STMN3: variants seen among roughly 807,000 people sequenced by gnomAD.
The protein encoded by STMN3 is stathmin 3.
In STMN3, 24 loss-of-function variants were observed where a neutral mutation model predicts 23.2. That is an observed-to-expected ratio of 1.03 (90% CI 0.75 to 1.45). The LOEUF is 1.45. Ranked by LOEUF, STMN3 falls within the 40% of genes most tolerant of loss-of-function variation. The pLI, the probability that STMN3 is intolerant of heterozygous loss-of-function variation, is 0.00. For missense variants in STMN3, 235 were observed against 237.6 expected (o/e 0.99, Z 0.07); for synonymous variants, 117 against 103.4 (o/e 1.13, Z -0.80).
chr20:63,646,807 CT>C (rs749531814), intron 1 of STMN3, among the ~76,000 whole-genome samples: 9,781 of 144,084 alleles, frequency 0.068, 458 homozygotes, highest in Non-Finnish European at 0.093. Context: ...CACCAGTTTT[CT>C]TTTTTTTTTT....
Position 63,643,791 on chromosome 20 carries a change from G to T in STMN3, c.256C>A (p.Gln86Lys), listed in dbSNP as rs529744209. 57 of 1,554,640 alleles carry T rather than the reference G, an allele frequency of 3.7e-5. No homozygotes were observed. In the South Asian group the frequency reaches 6.3e-4, roughly 17 times the overall value. ...KKKDTSLEEL[Q>K]KRLEAAEERR... Reference sequence around the variant, plus strand: ...TCCTCGGCTGCCTCCAGCCGCTTTTGCAGCTCCTCCAGGGAGGTGTCCTTC... The same window carrying T: ...TCCTCGGCTGCCTCCAGCCGCTTTTTCAGCTCCTCCAGGGAGGTGTCCTTC... The change falls in exon 3 of 5, where the codon CAA becomes AAA. Residue 86 changes from glutamine (Q) to lysine (K), a missense_variant. Transcript: ENST00000370053.
intron 1 of STMN3, 102 bp from the exon 2 acceptor site, chr20:63,644,411 A>G (rs2089793292): frequency 2.3e-6 from 2 of 863,916 alleles, no homozygotes; most frequent in African/African-American, 1.7e-5. Context: ...TCTGTGAGAC[A>G]CGGAGCTGCC....
Position 63,643,813 on chromosome 20 carries a change from C to A in STMN3, c.234G>T (p.Lys78Asn). 1 of 1,561,844 alleles carries A rather than the reference C, an allele frequency of 6.4e-7. No homozygotes were observed. ...SPMLSSPPKKKDTSLEELQKR... is the reference protein window; with the variant it reads ...SPMLSSPPKKNDTSLEELQKR... Reference sequence around the variant, plus strand: ...TTTGCAGCTCCTCCAGGGAGGTGTCCTTCTTCTTGGGTGGGGAGGAGAGCA... The same window carrying A: ...TTTGCAGCTCCTCCAGGGAGGTGTCATTCTTCTTGGGTGGGGAGGAGAGCA... Residue 78 changes from lysine (K) to asparagine (N), a missense_variant, in exon 3 of 5, where the codon AAG (lysine) becomes AAT (asparagine). Physicochemically the swap from Lys to Asn is moderately conservative, Grantham distance 94. Coordinates refer to ENST00000370053, the MANE Select transcript of STMN3 (RefSeq NM_015894.4).
intron 1 of STMN3, among the ~76,000 whole-genome samples, chr20:63,647,936 A>ATATATGTGTG (rs1165301691): frequency 2.5e-5 from 2 of 80,834 alleles, no homozygotes; most frequent in African/African-American, 4.9e-5. Context: ...ATACGTATAT[A>ATATATGTGTG]TGTGTGTGTG....
In STMN3 at chr20:63,652,756, C is replaced by T. The variant is rs1474217050; in HGVS notation, c.19+571G>A. On this transcript the variant is annotated intron_variant, in intron 1 of 4. Coordinates refer to ENST00000370053, the MANE Select transcript of STMN3 (RefSeq NM_015894.4). This position sits in a 1 kb window ranked among gnomAD's most constrained non-coding sequence, Gnocchi z 5.3. The stretch of plus-strand genomic sequence containing the variant: ...CGTCGCAAAGGGTGGTCCCCGAGGC[C>T]GCAGCGGTGTGGGGGGAGGGCGCGG... The T allele has an allele frequency of 2.0e-6, 2 of 986,026 alleles. No homozygotes were observed. The highest frequency in any genetic ancestry group is 2.4e-6 in the Non-Finnish European group (2 of 830,576). The allele number at this position is 986,026 out of a possible 1,614,324, so 61.1% of individuals were successfully genotyped here.
intron 1 of STMN3, among the ~76,000 whole-genome samples, chr20:63,647,845 T>C (rs1371201159): frequency 7.2e-5 from 9 of 124,506 alleles, no homozygotes; most frequent in Non-Finnish European, 1.2e-4. Context: ...TATATGTATA[T>C]ATTAATATAT....
rs1259742200 is a variant in STMN3, at chr20:63,642,134, C to A, written c.457G>T (p.Ala153Ser). Reference sequence around the variant, plus strand: ...TTCTCGCGCAGCCGCTCGCGCAGTGCGGCCAGGTGTGCCTCGCGGATCTCC... The same window carrying A: ...TTCTCGCGCAGCCGCTCGCGCAGTGAGGCCAGGTGTGCCTCGCGGATCTCC... ...SKEIREAHLA[A>S]LRERLREKEL... Residue 153 changes from alanine (A) to serine (S), a missense_variant, in exon 4 of 5, where the codon GCA (alanine) becomes TCA (serine). Physicochemically the swap from Ala to Ser is moderately conservative, Grantham distance 99 (BLOSUM62 1). Transcript: ENST00000370053. 1.5e-5 allele frequency: 23 copies of A among 1,538,424 alleles called. No homozygotes were observed. Among genetic ancestry groups the A allele is most frequent in the Non-Finnish European group, 2.0e-5 (23 of 1,145,838 alleles).
At chr20:63,647,826 A>C (rs1486318192) in intron 1 of STMN3, among the ~76,000 whole-genome samples, 1 of 128,212 alleles carries the variant, frequency 7.8e-6, no homozygotes, top group Non-Finnish European at 1.7e-5. Context: ...TATATAATAT[A>C]TATACGTATA....
intron 1 of STMN3, among the ~76,000 whole-genome samples, chr20:63,649,731 T>C (rs1223032455): frequency 7.3e-5 from 11 of 150,286 alleles, no homozygotes; most frequent in Non-Finnish European, 1.5e-4. Flanking sequence ...GGGGTTTCAC[T>C]GTGTTAGCCA....
At chr20:63,648,318 G>A (rs1233703210) in intron 1 of STMN3, among the ~76,000 whole-genome samples, 3 of 152,030 alleles carry the variant, frequency 2.0e-5, no homozygotes, top group Admixed American at 1.3e-4. Context: ...ACGTACCTGG[G>A]TCCTGAGAGG....
intron 1 of STMN3, among the ~76,000 whole-genome samples, chr20:63,651,445 TGGA>T (rs925000475): frequency 6.6e-6 from 1 of 152,082 alleles, no homozygotes; most frequent in Non-Finnish European, 1.5e-5. Context: ...CTCTGACCCC[TGGA>T]GGGCCCTGGA....
intron 1 of STMN3, 32 bp downstream of exon 1, chr20:63,653,295 C>A (rs1364619482): frequency 1.9e-6 from 3 of 1,544,396 alleles, no homozygotes; most frequent in Middle Eastern, 3.4e-4. Flanking sequence ...CAGATCCCGC[C>A]GCCCCACAAA....
chr20:63,644,906 G>A (rs2089797843), intron 1 of STMN3, among the ~76,000 whole-genome samples: 1 of 152,100 alleles, frequency 6.6e-6, no homozygotes, highest in African/African-American at 2.4e-5. Context: ...AGAGCGATGG[G>A]AAATAAGTTC....
chr20:63,652,418 G>A lies in STMN3; in HGVS notation c.19+909C>T. On this transcript the variant is annotated intron_variant, in intron 1 of 4. Transcript: ENST00000370053. This position sits in a 1 kb window ranked among gnomAD's most constrained non-coding sequence, Gnocchi z 5.3. ...GCGGGTTCTGCGGCCTCGCGGCGGA[G>A]CAGAGCGTTTCGGGAAGGGCGGGCC... The A allele has an allele frequency of 1.1e-5, 3 of 284,972 alleles. No individual in the cohort carries two copies. Among genetic ancestry groups the A allele is most frequent in the Non-Finnish European group, 1.6e-5 (3 of 189,416 alleles). The allele number at this position is 284,972 out of a possible 1,614,324, so 17.7% of individuals were successfully genotyped here. A position where few individuals can be genotyped will look rare whatever the true frequency, so the allele number is the denominator to read the frequency against.
At chr20:63,647,948 G>GTATATA (rs761022872) in intron 1 of STMN3, among the ~76,000 whole-genome samples, 1 of 63,830 alleles carries the variant, frequency 1.6e-5, no homozygotes, top group African/African-American at 5.9e-5. Flanking sequence ...GTGTGTGTGT[G>GTATATA]TATATATATA....
intron 3 of STMN3, 183 bp downstream of exon 3, chr20:63,643,573 A>C: frequency 1.1e-6 from 1 of 941,084 alleles, no homozygotes; most frequent in Non-Finnish European, 1.3e-6. Flanking sequence ...GAGCCACCAC[A>C]CCCGGCCTCT....
In STMN3 at chr20:63,652,639, CG is replaced by C; in HGVS notation, c.19+687del. On this transcript the variant is annotated intron_variant, in intron 1 of 4. Coordinates refer to ENST00000370053, the MANE Select transcript of STMN3 (RefSeq NM_015894.4). This position sits in a 1 kb window ranked among gnomAD's most constrained non-coding sequence, Gnocchi z 5.3. The stretch of plus-strand genomic sequence containing the variant: ...GGGAGGGGCGGAGCCCTCTGGTCTC[CG>C]GAGGGTTTGGGGATCGCAGTCGCCC... The C allele has an allele frequency of 1.0e-6, 1 of 985,514 alleles. No individual in the cohort carries two copies. 61.0% of individuals were successfully genotyped at this position (985,514 alleles called of 1,614,324 possible).
In STMN3 at chr20:63,652,675, C is replaced by G; in HGVS notation, c.19+652G>C. The G allele has an allele frequency of 1.0e-6, 1 of 985,806 alleles. No homozygotes were observed. The highest frequency in any genetic ancestry group is 1.2e-6 in the Non-Finnish European group (1 of 830,240). The allele number at this position is 985,806 out of a possible 1,614,324, so 61.1% of individuals were successfully genotyped here. A position where few individuals can be genotyped will look rare whatever the true frequency, so the allele number is the denominator to read the frequency against. ...GGGATCGCAGTCGCCCCTCCCCCATCCAGACCCCGCGGCGCAAAGGGCAGT... is the reference window on the plus strand; with the variant it reads ...GGGATCGCAGTCGCCCCTCCCCCATGCAGACCCCGCGGCGCAAAGGGCAGT... On this transcript the variant is annotated intron_variant, in intron 1 of 4. Transcript: ENST00000370053. The surrounding 1 kb of genome is among the most constrained non-coding windows in gnomAD (Gnocchi z 5.3).
chr20:63,644,367 C>A, intron 1 of STMN3, 58 bp from the exon 2 acceptor site: 1 of 1,353,670 alleles, frequency 7.4e-7, no homozygotes, highest in Non-Finnish European at 1.0e-6. Flanking sequence ...CCTGGGCCCC[C>A]GTTTTCCCTC....
Sources: gnomAD v4.1 joint callset for allele counts (sites outside exome capture counted in the v4.1 genomes callset) on GRCh38, gnomAD v4.1.1 for gene constraint, Gnocchi (gnomAD v3.1) non-coding constraint, MANE v1.5 for transcripts, NCBI Gene and HGNC (gene_info 2026-07-23, HGNC 2026-07-21) for gene names.